GPR173: variants seen among roughly 807,000 people sequenced by gnomAD.
GPR173 encodes G protein-coupled receptor 173.
GPR173 carries 2 observed loss-of-function variants against 13.9 expected under a neutral mutation model. The observed-to-expected ratio is 0.14, with a 90% CI of 0.06 to 0.45. The LOEUF (loss-of-function observed/expected upper bound fraction) is 0.45, where lower values mean the gene tolerates loss of function less well. Ranked by LOEUF, GPR173 falls within the 20% of genes least tolerant of loss-of-function variation. The pLI, the probability that GPR173 is intolerant of heterozygous loss-of-function variation, is 0.98. For synonymous variants in GPR173, 131 were observed against 141.0 expected, an observed-to-expected ratio of 0.93 and a Z score of 0.50; for missense variants, 202 against 340.5, an observed-to-expected ratio of 0.59 and a Z score of 3.20.
At chrX:53,061,057 A>G (rs1426368058) in intron 1 of GPR173, among the ~76,000 whole-genome samples, 1 of 107,577 alleles carries the variant, frequency 9.3e-6, no homozygotes, top group Non-Finnish European at 1.9e-5. Flanking sequence ...TGTCTCTACT[A>G]AAAAACACAA....
chrX:53,065,916 G>A (rs1479240388), intron 1 of GPR173, among the ~76,000 whole-genome samples: 1 of 110,453 alleles, frequency 9.1e-6, no homozygotes, highest in Non-Finnish European at 1.9e-5. Flanking sequence ...CCTGGGCAAC[G>A]TGACGAAACC....
chrX:53,080,336 T>C lies in GPR173; in HGVS notation c.*2593T>C, dbSNP rs1371468905. ...TTTACTATCTGGTTATTCTCTCAGGTGCACAGAATTGAGTTGACCATACTC... is the reference window on the plus strand; with the variant it reads ...TTTACTATCTGGTTATTCTCTCAGGCGCACAGAATTGAGTTGACCATACTC... On this transcript the variant is annotated 3_prime_UTR_variant, in exon 2 of 2. Coordinates refer to ENST00000332582, the MANE Select transcript of GPR173 (RefSeq NM_018969.6). 8.2e-6 allele frequency: 1 copy of C among 121,887 alleles called. No individual in the cohort carries two copies. The highest frequency in any genetic ancestry group is 3.3e-5 in the African/African-American group (1 of 30,339). 10.0% of individuals were successfully genotyped at this position (121,887 alleles called of 1,213,427 possible). A position where few individuals can be genotyped will look rare whatever the true frequency, so the allele number is the denominator to read the frequency against.
At chrX:53,062,677 A>G (rs1556803929) in intron 1 of GPR173, among the ~76,000 whole-genome samples, 5 of 99,475 alleles carry the variant, frequency 5.0e-5, no homozygotes, top group African/African-American at 1.9e-4. Flanking sequence ...TGCAGCTTCA[A>G]CCTCCTGGGC....
Position 53,076,576 on chromosome X carries a change from G to A in GPR173, c.-46G>A, listed in dbSNP as rs782502144. 4.5e-6 allele frequency: 5 copies of A among 1,100,782 alleles called. No homozygotes were observed. Among genetic ancestry groups the A allele is most frequent in the Non-Finnish European group, 6.1e-6 (5 of 822,235 alleles). 90.7% of individuals were successfully genotyped at this position (1,100,782 alleles called of 1,213,427 possible). A position where few individuals can be genotyped will look rare whatever the true frequency, so the allele number is the denominator to read the frequency against. On this transcript the variant is annotated 5_prime_UTR_variant, in exon 2 of 2. Coordinates refer to ENST00000332582, the MANE Select transcript of GPR173 (RefSeq NM_018969.6). The stretch of plus-strand genomic sequence containing the variant: ...AGCCCCCCCGGGCCCATCGAGTACC[G>A]GACTGGCTGACCCCCTAGGGTTGGC...
intron 1 of GPR173, among the ~76,000 whole-genome samples, chrX:53,074,797 A>T (rs1440547997): frequency 2.1e-5 from 2 of 97,486 alleles, no homozygotes; most frequent in African/African-American, 7.4e-5. Context: ...TTATAAAATT[A>T]TATATATATA....
chrX:53,049,099 C>G lies in GPR173; in HGVS notation c.-483C>G, dbSNP rs1243859050. The G allele has an allele frequency of 9.1e-6, 1 of 109,661 alleles. No individual in the cohort carries two copies. Among genetic ancestry groups the G allele is most frequent in the Non-Finnish European group, 1.9e-5 (1 of 52,373 alleles). 9.0% of individuals were successfully genotyped at this position (109,661 alleles called of 1,213,427 possible). On this transcript the variant is annotated 5_prime_UTR_variant, in exon 1 of 2. Transcript: ENST00000332582. ...GTGGGGGGGGTAGGGGGACCGGCAG[C>G]CAGGCAGGCAGACGGGTAGCAGGGG...
intron 1 of GPR173, among the ~76,000 whole-genome samples, chrX:53,075,173 G>A (rs1244334892): frequency 2.8e-5 from 3 of 107,190 alleles, no homozygotes; most frequent in Non-Finnish European, 5.8e-5. Context: ...AATATGCCAT[G>A]TAGAGTCCCA....
intron 1 of GPR173, among the ~76,000 whole-genome samples, chrX:53,049,825 C>G (rs1931928183): frequency 9.0e-6 from 1 of 111,553 alleles, no homozygotes; most frequent in South Asian, 3.7e-4. Flanking sequence ...GCCCGGCGGC[C>G]GTGTTCCCTT....
At chrX:53,062,019 A>AAGAGAAGAGAAGAGAAGAGAAGAGC (rs1932133555) in intron 1 of GPR173, among the ~76,000 whole-genome samples, 1 of 110,664 alleles carries the variant, frequency 9.0e-6, no homozygotes, top group Admixed American at 9.7e-5. Context: ...AAGAGAAGAG[A>AAGAGAAGAGAAGAGAAGAGAAGAGC]AGAAAAGGGA....
At position 53,078,759 on chromosome X, in the gene GPR173, C is replaced by T. The variant is rs56157110; in HGVS notation, c.*1016C>T. 0.26 allele frequency: 31,743 copies of T among 121,611 alleles called. 3,474 individuals carry two copies. The highest frequency in any genetic ancestry group is 0.42 in the African/African-American group (12,564 of 30,252). The allele number at this position is 121,611 out of a possible 1,213,427, so 10.0% of individuals were successfully genotyped here. On this transcript the variant is annotated 3_prime_UTR_variant, in exon 2 of 2. Transcript: ENST00000332582. ...TGATTTCAACCCCAGAATTGTCTCT[C>T]GGGTTCACCCTACTCTTCTGAAGAT...
In GPR173 at chrX:53,077,782, G is replaced by A. The variant is rs1932462219; in HGVS notation, c.*39G>A. 3 of 1,119,198 alleles carry A rather than the reference G, an allele frequency of 2.7e-6. No homozygotes were observed. The highest frequency in any genetic ancestry group is 3.7e-6 in the Non-Finnish European group (3 of 820,690). The allele number at this position is 1,119,198 out of a possible 1,213,427, so 92.2% of individuals were successfully genotyped here. A position where few individuals can be genotyped will look rare whatever the true frequency, so the allele number is the denominator to read the frequency against. ...GCAGACAGGCAGAGAGAAGGTCATGGCCACCGTGATGGGGCCAACAGCAAG... is the reference window on the plus strand; with the variant it reads ...GCAGACAGGCAGAGAGAAGGTCATGACCACCGTGATGGGGCCAACAGCAAG... On this transcript the variant is annotated 3_prime_UTR_variant, in exon 2 of 2. Coordinates refer to ENST00000332582, the MANE Select transcript of GPR173 (RefSeq NM_018969.6).
At chrX:53,067,259 T>C (rs782212368) in intron 1 of GPR173, among the ~76,000 whole-genome samples, 8 of 111,142 alleles carry the variant, frequency 7.2e-5, no homozygotes, top group Admixed American at 1.9e-4. Flanking sequence ...TCCCTTTACC[T>C]CATTGGTCTT....
intron 1 of GPR173, among the ~76,000 whole-genome samples, chrX:53,060,580 CAAA>C (rs111798225): frequency 4.9e-4 from 30 of 61,556 alleles, no homozygotes; most frequent in Non-Finnish European, 8.5e-4. Context: ...GACTCCGTCT[CAAA>C]AAAAAAAAAA....
At chrX:53,071,054 ACCTCCCGGGTTCAAGTGATTCTCCTG>A (rs1181995052) in intron 1 of GPR173, 3 of 103,624 alleles carry the variant, frequency 2.9e-5, no homozygotes, top group African/African-American at 1.1e-4. Context: ...CACAACCTCC[ACCTCCCGGGTTCAAGTGATTCTCCTG>A]CCTCAGCCTC....
chrX:53,074,137 CATGTAT>C (rs1556805320), intron 1 of GPR173, among the ~76,000 whole-genome samples: 4 of 95,110 alleles, frequency 4.2e-5, no homozygotes, highest in East Asian at 3.2e-4. Context: ...TATAAATATA[CATGTAT>C]ATTTATTCAT....
chrX:53,058,021 T>A lies in GPR173; in HGVS notation c.-98+8537T>A, dbSNP rs782259904. On this transcript the variant is annotated intron_variant, in intron 1 of 1. Coordinates refer to ENST00000332582, the MANE Select transcript of GPR173 (RefSeq NM_018969.6). ...ACAGAATGAGCATATCCTATGTGTA[T>A]CTATGTTTGTACATGAAAGTGGGTT... is the stretch of plus-strand genomic sequence containing the variant. Among the ~76,000 whole-genome samples, 8 of 112,510 alleles carry A rather than the reference T, an allele frequency of 7.1e-5. No homozygotes were observed. In the East Asian group the frequency reaches 8.4e-4, roughly 12 times the overall value.
At chrX:53,067,924 A>T (rs781799173) in intron 1 of GPR173, among the ~76,000 whole-genome samples, 7 of 112,035 alleles carry the variant, frequency 6.2e-5, no homozygotes, top group African/African-American at 2.3e-4. Context: ...AAATATTTTT[A>T]TGTAAAAACA....
At chrX:53,052,491 G>T (rs782423186) in intron 1 of GPR173, among the ~76,000 whole-genome samples, 8 of 110,606 alleles carry the variant, frequency 7.2e-5, no homozygotes, top group Non-Finnish European at 1.1e-4. Flanking sequence ...GTATATGTGG[G>T]TGTATATGCT....
chrX:53,072,484 T>TCA (rs1556804874), intron 1 of GPR173, among the ~76,000 whole-genome samples: 1 of 107,910 alleles, frequency 9.3e-6, no homozygotes, highest in African/African-American at 3.4e-5. Flanking sequence ...TTTCTCACTC[T>TCA]CATTTTCACC....
Sources: gnomAD v4.1 joint callset for allele counts (sites outside exome capture counted in the v4.1 genomes callset) on GRCh38, gnomAD v4.1.1 for gene constraint, MANE v1.5 for transcripts, NCBI Gene and HGNC (gene_info 2026-07-23, HGNC 2026-07-21) for gene names.